CACNA1A: variants seen among roughly 807,000 people sequenced by gnomAD.
The protein encoded by CACNA1A is voltage-dependent P/Q-type calcium channel subunit alpha-1A.
Under a neutral mutation model 262.4 loss-of-function variants are expected in CACNA1A, and 57 were observed. The ratio of observed to expected loss-of-function variants is 0.22; its 90% CI spans 0.18 to 0.27. The LOEUF (loss-of-function observed/expected upper bound fraction) is 0.27, where lower values mean the gene tolerates loss of function less well. Among genes scored for constraint, CACNA1A ranks in the 10% least tolerant of loss-of-function variants. CACNA1A has a pLI of 1.00. For missense variants in CACNA1A, 2,526 were observed against 3,562.8 expected (o/e 0.71, Z 7.41); for synonymous variants, 1,431 against 1,419.3 (o/e 1.01, Z -0.18).
At chr19:13,354,856 T>C (rs1238770573) in intron 6 of CACNA1A, among the ~76,000 whole-genome samples, 1 of 142,998 alleles carries the variant, frequency 7.0e-6, no homozygotes, top group East Asian at 2.0e-4. Flanking sequence ...GAAGGGAGGA[T>C]GCTTTTCTTT....
At chr19:13,336,059 G>C (rs1208198248) in intron 6 of CACNA1A, 150 bp from the exon 7 acceptor site, 1 of 565,466 alleles carries the variant, frequency 1.8e-6, no homozygotes, top group Non-Finnish European at 3.2e-6. Context: ...ATCCCAGAGG[G>C]GGAAATGGAG....
intron 22 of CACNA1A, among the ~76,000 whole-genome samples, chr19:13,279,542 G>T (rs1387818275): frequency 6.6e-6 from 1 of 152,138 alleles, no homozygotes; most frequent in African/African-American, 2.4e-5. Flanking sequence ...CTGGAGTGCA[G>T]TGGCACAATC....
chr19:13,288,236 T>G (rs1234141239), intron 19 of CACNA1A, among the ~76,000 whole-genome samples: 1 of 130,062 alleles, frequency 7.7e-6, no homozygotes, highest in Non-Finnish European at 1.7e-5. Flanking sequence ...TTTCTTTTTC[T>G]TTTTTCTTTT....
At chr19:13,271,221 T>TTGTTTTTTTTG (rs2057011022) in intron 24 of CACNA1A, 1 of 137,898 alleles carries the variant, frequency 7.3e-6, no homozygotes, top group African/African-American at 2.8e-5. Context: ...GCTGTTTTTT[T>TTGTTTTTTTTG]TTTTTTTTTT....
chr19:13,210,530 T>A (rs1417511636), intron 44 of CACNA1A, 87 bp downstream of exon 44: 1 of 1,177,744 alleles, frequency 8.5e-7, no homozygotes, highest in Non-Finnish European at 1.2e-6. Context: ...CCGGGGACGG[T>A]GAGAGATGAC....
At chr19:13,263,229 A>G (rs1025520653) in intron 24 of CACNA1A, 49 of 205,226 alleles carry the variant, frequency 2.4e-4, no homozygotes, top group Admixed American at 2.3e-3. Context: ...GTGCAGTGGC[A>G]CGATCTCGGC....
Position 13,299,643 on chromosome 19 carries a change from C to G in CACNA1A, c.2280-290G>C, listed in dbSNP as rs1169886635. 2.0e-5 allele frequency among the ~76,000 whole-genome samples: 3 copies of G among 152,182 alleles called. 1 individual carries two copies. The highest frequency in any genetic ancestry group is 2.0e-4 in the Admixed American group (3 of 15,274). ...CCTTGCCTTCACCTCCTCACACTTACTATTCGATTCTAGTCACACAGGCCT... is the reference window on the plus strand; with the variant it reads ...CCTTGCCTTCACCTCCTCACACTTAGTATTCGATTCTAGTCACACAGGCCT... On this transcript the variant is annotated intron_variant, in intron 18 of 46. Transcript: ENST00000360228.
rs909422414 is a variant in CACNA1A, at chr19:13,259,327, TTTTTTTTTTTTTTTTG to T, written c.4388+221_4388+236del. ...TGCCTGGCAGCTTTTTTTTTTTTTT[TTTTTTTTTTTTTTTTG>T]GGATTTTTAGTAGAAATGGAGTTTT... On this transcript the variant is annotated intron_variant, in intron 27 of 46. Coordinates refer to ENST00000360228, the MANE Select transcript of CACNA1A (RefSeq NM_001127222.2). The T allele has an allele frequency of 9.7e-4, 128 of 131,952 alleles. 8 individuals carry two copies. The highest frequency in any genetic ancestry group is 2.9e-3 in the Middle Eastern group (1 of 348). 8.2% of individuals were successfully genotyped at this position (131,952 alleles called of 1,614,324 possible).
chr19:13,239,099 T>C (rs2055980569), intron 31 of CACNA1A, among the ~76,000 whole-genome samples: 1 of 143,174 alleles, frequency 7.0e-6, no homozygotes, highest in Non-Finnish European at 1.6e-5. Flanking sequence ...TCTAGTCACA[T>C]GACCAGTCGC....
chr19:13,471,382 C>A (rs1380723482), intron 1 of CACNA1A, among the ~76,000 whole-genome samples: 2 of 152,162 alleles, frequency 1.3e-5, no homozygotes, highest in African/African-American at 4.8e-5. Flanking sequence ...ATTGTACCAC[C>A]AGCTGCCTAG....
intron 22 of CACNA1A, among the ~76,000 whole-genome samples, chr19:13,280,216 C>T (rs1452447068): frequency 6.6e-6 from 1 of 152,076 alleles, no homozygotes; most frequent in Non-Finnish European, 1.5e-5. Flanking sequence ...CGCTCTGTCA[C>T]CCAGGTTGGA....
chr19:13,290,117 T>C (rs1178664274), intron 19 of CACNA1A, among the ~76,000 whole-genome samples: 2 of 149,748 alleles, frequency 1.3e-5, no homozygotes, highest in Non-Finnish European at 3.0e-5. Context: ...TTTTCTGTAG[T>C]TTTAGTAGAG....
chr19:13,316,972 A>T, intron 11 of CACNA1A, 140 bp downstream of exon 11: 1 of 596,438 alleles, frequency 1.7e-6, no homozygotes, highest in Non-Finnish European at 3.0e-6. Context: ...CCCCAGTGAC[A>T]GTTATAGAAA....
intron 3 of CACNA1A, among the ~76,000 whole-genome samples, chr19:13,395,648 T>C (rs1420302374): frequency 6.6e-6 from 1 of 151,928 alleles, no homozygotes; most frequent in East Asian, 1.9e-4. Context: ...ATTATCTAAC[T>C]TACGTTATTT....
intron 31 of CACNA1A, chr19:13,244,581 GC>G (rs1169696683): frequency 6.6e-6 from 1 of 152,378 alleles, no homozygotes; most frequent in African/African-American, 2.4e-5. Flanking sequence ...GACCTCTGGG[GC>G]CCTGAGTCTT....
rs561033702 is a variant in CACNA1A, at chr19:13,286,089, C to T, written c.3553+414G>A. Among the ~76,000 whole-genome samples, 13 of 151,864 alleles carry T rather than the reference C, an allele frequency of 8.6e-5. No homozygotes were observed. The South Asian group carries it at 2.5e-3, about 29-fold the overall frequency. ...CAGGCATGAGCCAGTACATCTGGCCCCTTTTTTAATGTGGCGACTAGAGAG... is the reference window on the plus strand; with the variant it reads ...CAGGCATGAGCCAGTACATCTGGCCTCTTTTTTAATGTGGCGACTAGAGAG... On this transcript the variant is annotated intron_variant, in intron 20 of 46. Coordinates refer to ENST00000360228, the MANE Select transcript of CACNA1A (RefSeq NM_001127222.2).
In CACNA1A at chr19:13,376,702, T is replaced by C. The variant is rs949610036; in HGVS notation, c.540-4923A>G. 2.0e-5 allele frequency among the ~76,000 whole-genome samples: 3 copies of C among 148,384 alleles called. 1 individual carries two copies. Among genetic ancestry groups the C allele is most frequent in the African/African-American group, 7.3e-5 (3 of 40,832 alleles). On this transcript the variant is annotated intron_variant, in intron 3 of 46. Coordinates refer to ENST00000360228, the MANE Select transcript of CACNA1A (RefSeq NM_001127222.2). ...TACACTACACATAATATATGTTACA[T>C]ATGATACACTACACATAATATATGT...
chr19:13,236,016 G>C lies in CACNA1A; in HGVS notation c.4951-286C>G, dbSNP rs930142090. ...CACAATGGGGAAAAGAAAAGAAAAA[G>C]AAAGGAGGAAAAAGGAACGGGGATG... On this transcript the variant is annotated intron_variant, in intron 31 of 46. Transcript: ENST00000360228. This position sits in a 1 kb window ranked among gnomAD's most constrained non-coding sequence, Gnocchi z 4.6. 2.0e-5 allele frequency: 7 copies of C among 350,620 alleles called. No individual in the cohort carries two copies. In the Admixed American group the frequency reaches 3.2e-4, roughly 16 times the overall value. 21.7% of individuals were successfully genotyped at this position (350,620 alleles called of 1,614,324 possible). A position where few individuals can be genotyped will look rare whatever the true frequency, so the allele number is the denominator to read the frequency against.
chr19:13,427,660 T>G (rs1222034097), intron 3 of CACNA1A, among the ~76,000 whole-genome samples: 2 of 152,012 alleles, frequency 1.3e-5, no homozygotes, highest in East Asian at 3.9e-4. Flanking sequence ...AAACAACCCT[T>G]TTAGGATTCT....
Sources: gnomAD v4.1 joint callset for allele counts (sites outside exome capture counted in the v4.1 genomes callset) on GRCh38, gnomAD v4.1.1 for gene constraint, Gnocchi (gnomAD v3.1) non-coding constraint, MANE v1.5 for transcripts, NCBI Gene and HGNC (gene_info 2026-07-23, HGNC 2026-07-21) for gene names.